PDE3B: variants seen among roughly 807,000 people sequenced by gnomAD.
PDE3B encodes the protein cGMP-inhibited 3',5'-cyclic phosphodiesterase 3B.
Under a neutral mutation model 116.8 loss-of-function variants are expected in PDE3B, and 66 were observed. That is an observed-to-expected ratio of 0.56 (90% CI 0.46 to 0.69). PDE3B has a LOEUF of 0.69. PDE3B is among the 30% of genes least tolerant of loss of function. The probability of loss-of-function intolerance (pLI) is 0.00; values close to 1 mark genes in which losing one functional copy is unlikely to be tolerated. For synonymous variants in PDE3B, 595 were observed against 533.6 expected (o/e 1.12, Z -1.59); for missense variants, 1,384 against 1,368.1 (o/e 1.01, Z -0.18).
chr11:14,819,062 G>T, intron 6 of PDE3B, 74 bp from the exon 7 acceptor site: 2 of 870,270 alleles, frequency 2.3e-6, no homozygotes, highest in Admixed American at 2.0e-5. Context: ...AAATTAAACA[G>T]ATTTTCTAAT....
chr11:14,736,822 A>G (rs996521926), intron 1 of PDE3B, among the ~76,000 whole-genome samples: 1 of 152,208 alleles, frequency 6.6e-6, no homozygotes, highest in East Asian at 1.9e-4. Flanking sequence ...AGAAAAGATT[A>G]AAGGGGTGGG....
the PDE3B span, among the ~76,000 whole-genome samples, chr11:14,890,021 C>A: frequency 6.6e-6 from 1 of 151,882 alleles, no homozygotes; most frequent in African/African-American, 2.4e-5. Context: ...CCCAGCTACT[C>A]GGGAGGCTGA....
intron 12 of PDE3B, among the ~76,000 whole-genome samples, chr11:14,855,523 A>T (rs2031009995): frequency 6.6e-6 from 1 of 152,186 alleles, no homozygotes; most frequent in Admixed American, 6.5e-5. Context: ...TTGGGTGCAT[A>T]TTGTGGGATA....
In PDE3B at chr11:14,801,873, C is replaced by G. The variant is rs561744288; in HGVS notation, c.1416-2071C>G. ...TGGCAGTCTGGCCTCAATGGCCTTG[C>G]TGAGCTGCAGTGGGGTCCACCCAGT... On this transcript the variant is annotated intron_variant, in intron 4 of 15. Coordinates refer to ENST00000282096, the MANE Select transcript of PDE3B (RefSeq NM_000922.4). Among the ~76,000 whole-genome samples the G allele has an allele frequency of 2.6e-5, 4 of 152,342 alleles. No individual in the cohort carries two copies. In the South Asian group the frequency reaches 8.3e-4, roughly 32 times the overall value.
chr11:14,890,537 CT>C, the PDE3B span: 1,562 of 64,258 alleles, frequency 0.024, 1 homozygote, highest in Non-Finnish European at 0.034. Context: ...TAGACCAATT[CT>C]TTTTTTTTTT....
At chr11:14,716,094 A>G (rs1043782737) in intron 1 of PDE3B, among the ~76,000 whole-genome samples, 5 of 152,158 alleles carry the variant, frequency 3.3e-5, no homozygotes, top group Non-Finnish European at 5.9e-5. Context: ...AGGGCGAGGC[A>G]TTGCCTCACC....
intron 1 of PDE3B, among the ~76,000 whole-genome samples, chr11:14,675,659 C>G (rs1854511281): frequency 6.6e-6 from 1 of 152,052 alleles, no homozygotes; most frequent in Middle Eastern, 3.2e-3. Flanking sequence ...ATATACTGTC[C>G]TGTAATGCAT....
At chr11:14,830,575 A>G in intron 7 of PDE3B, 123 bp from the exon 8 acceptor site, 1 of 441,244 alleles carries the variant, frequency 2.3e-6, no homozygotes, top group Non-Finnish European at 3.9e-6. Context: ...TCGTGAAATA[A>G]TTTAGATTGA....
At chr11:14,888,054 G>C in the PDE3B span, among the ~76,000 whole-genome samples, 5 of 152,160 alleles carry the variant, frequency 3.3e-5, no homozygotes, top group South Asian at 1.0e-3. Flanking sequence ...CCTATAGCTT[G>C]CTCCTTCATT....
intron 1 of PDE3B, among the ~76,000 whole-genome samples, chr11:14,714,534 T>A (rs1334148935): frequency 7.1e-6 from 1 of 141,548 alleles, no homozygotes; most frequent in Non-Finnish European, 1.5e-5. Flanking sequence ...AGCTAAACCC[T>A]GTCTCAAAAA....
At position 14,644,308 on chromosome 11, in the gene PDE3B, C is replaced by A; in HGVS notation, c.233C>A (p.Ala78Glu). The A allele has an allele frequency of 6.4e-7, 1 of 1,564,000 alleles. No individual in the cohort carries two copies. The highest frequency in any genetic ancestry group is 8.6e-7 in the Non-Finnish European group (1 of 1,161,436). Residue 78 changes from alanine (A) to glutamate (E), a missense_variant, in exon 1 of 16, where the codon GCG becomes GAG. By Grantham distance (107) the Ala-to-Glu change is moderately radical (BLOSUM62 -1). Transcript: ENST00000282096. The part of the protein sequence containing the change: ...QPRRCSPFCR[A>E]RLSLGALAAF... ...CGGCGCTGCTCCCCCTTCTGCCGGGCGCGCCTCTCGCTGGGCGCCCTGGCT... is the reference window on the plus strand; with the variant it reads ...CGGCGCTGCTCCCCCTTCTGCCGGGAGCGCCTCTCGCTGGGCGCCCTGGCT...
chr11:14,662,155 T>C (rs981737576), intron 1 of PDE3B, among the ~76,000 whole-genome samples: 3 of 152,078 alleles, frequency 2.0e-5, no homozygotes, highest in Non-Finnish European at 4.4e-5. Context: ...TTCACAAAAA[T>C]CCGCTGTTCT....
intron 9 of PDE3B, 91 bp from the exon 10 acceptor site, chr11:14,832,631 C>T (rs1859921996): frequency 3.7e-6 from 2 of 537,008 alleles, no homozygotes; most frequent in Non-Finnish European, 6.7e-6. Context: ...ACATGGTTAA[C>T]ATTCCAGAAT....
chr11:14,673,636 T>A, intron 1 of PDE3B: 2 of 670,626 alleles, frequency 3.0e-6, no homozygotes, highest in Non-Finnish European at 5.7e-6. Context: ...TCTCTGGCAC[T>A]AAACAAAGTT....
rs573056847 is a variant in PDE3B at position 14,837,114 on chromosome 11, G to A, written c.2320+2019G>A. On this transcript the variant is annotated intron_variant, in intron 11 of 15. Transcript: ENST00000282096. ...CAGGCGTGAGCCACTGTGTCTGGCC[G>A]GCCCATTCTTTAAAGACAGCAGCAT... is the stretch of plus-strand genomic sequence containing the variant. Among the ~76,000 whole-genome samples the A allele has an allele frequency of 2.9e-4, 44 of 152,238 alleles. No homozygotes were observed. The Middle Eastern group carries it at 0.02, about 71-fold the overall frequency.
chr11:14,813,177 T>C (rs548178222), intron 5 of PDE3B, among the ~76,000 whole-genome samples: 1 of 152,328 alleles, frequency 6.6e-6, no homozygotes, highest in African/African-American at 2.4e-5. Flanking sequence ...AACACACTAC[T>C]GTATCAAATT....
intron 1 of PDE3B, among the ~76,000 whole-genome samples, chr11:14,749,898 C>A (rs1257256581): frequency 1.2e-3 from 43 of 35,150 alleles, no homozygotes; most frequent in Admixed American, 2.2e-3. Flanking sequence ...TAAATATATC[C>A]CATATATATA....
chr11:14,705,391 A>G (rs755192283), intron 1 of PDE3B, among the ~76,000 whole-genome samples: 14 of 151,876 alleles, frequency 9.2e-5, no homozygotes, highest in Non-Finnish European at 2.1e-4. Context: ...GAAGCCACAT[A>G]CAATATATTC....
chr11:14,738,451 C>A (rs898694737), intron 1 of PDE3B, among the ~76,000 whole-genome samples: 1 of 152,200 alleles, frequency 6.6e-6, no homozygotes, highest in Non-Finnish European at 1.5e-5. Context: ...CCTTTGCCCA[C>A]TTTTTGATGG....
Sources: allele counts gnomAD v4.1 joint callset (sites outside exome capture counted in the v4.1 genomes callset), GRCh38; gene constraint gnomAD v4.1.1; transcripts MANE v1.5; gene names NCBI Gene and HGNC (gene_info 2026-07-23, HGNC 2026-07-21).